ABCG1: variants seen among roughly 807,000 people sequenced by gnomAD.
ABCG1 encodes ATP-binding cassette sub-family G member 1.
Under a neutral mutation model 69.2 loss-of-function variants are expected in ABCG1, and 29 were observed. The ratio of observed to expected loss-of-function variants is 0.42; its 90% CI spans 0.31 to 0.57. The LOEUF (loss-of-function observed/expected upper bound fraction) is 0.57, where lower values mean the gene tolerates loss of function less well. Among genes scored for constraint, ABCG1 ranks in the 20% least tolerant of loss-of-function variants. The pLI, the probability that ABCG1 is intolerant of heterozygous loss-of-function variation, is 0.15. For synonymous variants in ABCG1, 370 were observed against 374.8 expected, an observed-to-expected ratio of 0.99 and a Z score of 0.15; for missense variants, 718 against 898.1, an observed-to-expected ratio of 0.80 and a Z score of 2.56.
At chr21:42,259,943 A>T (rs2068376472) in intron 2 of ABCG1, 1 of 1,479,190 alleles carries the variant, frequency 6.8e-7, no homozygotes, top group South Asian at 1.4e-5. Context: ...TGTGGGTTGG[A>T]CGGTGGTGTT....
At chr21:42,221,198 C>A (rs1441937922) in intron 1 of ABCG1, 1 of 152,106 alleles carries the variant, frequency 6.6e-6, no homozygotes, top group African/African-American at 2.4e-5. Flanking sequence ...ACCCTGAAAG[C>A]AATAATCTGA....
chr21:42,287,979 G>C lies in ABCG1; in HGVS notation c.1064G>C (p.Arg355Thr). 6.2e-7 allele frequency: 1 copy of C among 1,613,864 alleles called. No homozygotes were observed. The highest frequency in any genetic ancestry group is 8.5e-7 in the Non-Finnish European group (1 of 1,179,830). The change falls in exon 9 of 15, where the codon AGA (arginine) becomes ACA (threonine). Residue 355 changes from arginine to threonine, a missense_variant. Transcript: ENST00000398449. The surrounding 1 kb of genome is among the most constrained non-coding windows in gnomAD (Gnocchi z 6.2). ...REGMCDSDHK[R>T]DLGGDAEVNP... ...GGCATGTGTGACTCAGACCACAAGA[G>C]AGACCTCGGGGGTGATGCCGAGGTG...
intron 5 of ABCG1, among the ~76,000 whole-genome samples, chr21:42,277,756 C>A (rs1379650303): frequency 6.6e-6 from 1 of 152,192 alleles, no homozygotes; most frequent in African/African-American, 2.4e-5. Context: ...CGGGTTAGTG[C>A]CAATGGCTCG....
chr21:42,287,434 G>A lies in ABCG1; in HGVS notation c.974-455G>A, dbSNP rs188527185. Reference sequence around the variant, plus strand: ...CCAGGGTGCCAGCCACTCATGTGGCGATGGGCACGTCCTTCTCTGCCATCT... The same window carrying A: ...CCAGGGTGCCAGCCACTCATGTGGCAATGGGCACGTCCTTCTCTGCCATCT... On this transcript the variant is annotated intron_variant, in intron 8 of 14. Transcript: ENST00000398449. This position sits in a 1 kb window ranked among gnomAD's most constrained non-coding sequence, Gnocchi z 6.2. Among the ~76,000 whole-genome samples the A allele has an allele frequency of 4.1e-4, 62 of 152,288 alleles. No homozygotes were observed. The highest frequency in any genetic ancestry group is 8.7e-4 in the Non-Finnish European group (59 of 68,012).
intron 2 of ABCG1, among the ~76,000 whole-genome samples, chr21:42,234,161 A>G (rs944946868): frequency 6.6e-5 from 10 of 152,122 alleles, no homozygotes; most frequent in African/African-American, 2.4e-4. Context: ...CATCTTCTCC[A>G]GAAGGGAAGG....
At chr21:42,261,663 C>A (rs906393431) in intron 2 of ABCG1, among the ~76,000 whole-genome samples, 2 of 152,180 alleles carry the variant, frequency 1.3e-5, no homozygotes, top group East Asian at 3.8e-4. Context: ...CTGGCCCGGC[C>A]CCCTCGGGAA....
intron 2 of ABCG1, chr21:42,256,683 G>A: frequency 6.9e-7 from 1 of 1,440,988 alleles, no homozygotes; most frequent in African/African-American, 1.4e-5. Flanking sequence ...CCCAGAGACT[G>A]ATGGCTTCTC....
chr21:42,275,251 G>A (rs2068689392), intron 4 of ABCG1, among the ~76,000 whole-genome samples: 3 of 152,178 alleles, frequency 2.0e-5, no homozygotes, highest in African/African-American at 7.2e-5. Context: ...AACCTGTGGG[G>A]CTGTTCCCAT....
rs1346466803 is a variant in ABCG1, at chr21:42,288,528, G to A, written c.1224+216G>A. On this transcript the variant is annotated intron_variant, in intron 10 of 14. Coordinates refer to ENST00000398449, the MANE Select transcript of ABCG1 (RefSeq NM_016818.3). The surrounding 1 kb of genome is among the most constrained non-coding windows in gnomAD (Gnocchi z 4.8). ...TTCAGACCAGCCTGGCCAACGTGGG[G>A]AAACCCCATCTCTGCTAAAAATACA... Among the ~76,000 whole-genome samples, 1 of 152,174 alleles carries A rather than the reference G, an allele frequency of 6.6e-6. No homozygotes were observed. Among genetic ancestry groups the A allele is most frequent in the South Asian group, 2.1e-4 (1 of 4,832 alleles).
At chr21:42,217,141 TG>T (rs1758618902), upstream of ABCG1, among the ~76,000 whole-genome samples, 1 of 151,982 alleles carries the variant, frequency 6.6e-6, no homozygotes. Flanking sequence ...CCAGGCTGGA[TG>T]GGGGCCATCC....
At chr21:42,290,775 G>A (rs1569241284) in intron 11 of ABCG1, among the ~76,000 whole-genome samples, 2 of 152,170 alleles carry the variant, frequency 1.3e-5, no homozygotes, top group Non-Finnish European at 2.9e-5. Context: ...AAGGCACCAC[G>A]TTGATGCAGA....
chr21:42,219,857 G>A lies in ABCG1; in HGVS notation c.42+553G>A. The A allele has an allele frequency of 1.3e-6, 2 of 1,527,056 alleles. No individual in the cohort carries two copies. Among genetic ancestry groups the A allele is most frequent in the Non-Finnish European group, 1.8e-6 (2 of 1,138,626 alleles). The allele number at this position is 1,527,056 out of a possible 1,614,324, so 94.6% of individuals were successfully genotyped here. ...GCACTCCCGGGGACACCCTCTCCCG[G>A]ACCCACTCGGGGAGGCGGCGGCGAA... On this transcript the variant is annotated intron_variant, in intron 1 of 14. Transcript: ENST00000398449. The surrounding 1 kb of genome is among the most constrained non-coding windows in gnomAD (Gnocchi z 5.3).
At chr21:42,268,386 T>TGCGCGC (rs1411173636) in intron 2 of ABCG1, among the ~76,000 whole-genome samples, 24 of 142,838 alleles carry the variant, frequency 1.7e-4, no homozygotes, top group African/African-American at 6.4e-4. Flanking sequence ...TGTGTGTGTG[T>TGCGCGC]GTGCGCGCGC....
At chr21:42,248,902 CAAAA>C (rs71332356) in intron 2 of ABCG1, among the ~76,000 whole-genome samples, 2 of 91,076 alleles carry the variant, frequency 2.2e-5, no homozygotes, top group Non-Finnish European at 2.2e-5. Context: ...AGACCTCTCT[CAAAA>C]AAAAAAAAAA....
chr21:42,236,528 A>G (rs2067980853), intron 2 of ABCG1, among the ~76,000 whole-genome samples: 1 of 152,198 alleles, frequency 6.6e-6, no homozygotes, highest in Admixed American at 6.5e-5. Flanking sequence ...GAAATGTTAA[A>G]CATTGTCTTT....
At chr21:42,215,785 T>C (rs113373674), upstream of ABCG1, among the ~76,000 whole-genome samples, 2 of 152,358 alleles carry the variant, frequency 1.3e-5, no homozygotes, top group African/African-American at 2.4e-5. Flanking sequence ...CAGGGCCTAC[T>C]CTGGGGAGTG....
chr21:42,296,508 C>T lies in ABCG1; in HGVS notation c.*116C>T. ...CACAGAGACTCTTCTGATCCAACCC[C>T]TAGAACCGCGTTGGGTTTGTGGGTG... On this transcript the variant is annotated 3_prime_UTR_variant, in exon 15 of 15. Coordinates refer to ENST00000398449, the MANE Select transcript of ABCG1 (RefSeq NM_016818.3). The surrounding 1 kb of genome is among the most constrained non-coding windows in gnomAD (Gnocchi z 5.4). 3 of 933,598 alleles carry T rather than the reference C, an allele frequency of 3.2e-6. No homozygotes were observed. The South Asian group carries it at 4.6e-5, about 14-fold the overall frequency. 57.8% of individuals were successfully genotyped at this position (933,598 alleles called of 1,614,324 possible).
At chr21:42,206,351 A>AAAATAAATAAATAAAT (rs79957854) in intron 2 of ABCG1, among the ~76,000 whole-genome samples, 13 of 149,036 alleles carry the variant, frequency 8.7e-5, no homozygotes, top group African/African-American at 1.7e-4. Flanking sequence ...CTCTGTCTCA[A>AAAATAAATAAATAAAT]AAATAAATAA....
chr21:42,216,220 T>C, upstream of ABCG1: 1 of 434,628 alleles, frequency 2.3e-6, no homozygotes, highest in Non-Finnish European at 4.6e-6. Flanking sequence ...CCTTTGTAAA[T>C]TGCCCAGTCT....
Sources: allele counts gnomAD v4.1 joint callset (sites outside exome capture counted in the v4.1 genomes callset), GRCh38; gene constraint gnomAD v4.1.1; non-coding constraint Gnocchi (gnomAD v3.1); transcripts MANE v1.5; gene names NCBI Gene and HGNC (gene_info 2026-07-23, HGNC 2026-07-21).